Variants in FGD4 observed in about 807,000 individuals in gnomAD.
FGD4 encodes the protein FYVE, RhoGEF and PH domain-containing protein 4.
In FGD4, 42 loss-of-function variants were observed where a neutral mutation model predicts 102.0. That is an observed-to-expected ratio of 0.41 (90% CI 0.32 to 0.53). The LOEUF is 0.53. FGD4 is among the 20% of genes least tolerant of loss of function. The pLI, the probability that FGD4 is intolerant of heterozygous loss-of-function variation, is 0.21. For missense variants in FGD4, 902 were observed against 1,078.2 expected (o/e 0.84, Z 2.29); for synonymous variants, 380 against 375.7 (o/e 1.01, Z -0.13).
intron 1 of FGD4, among the ~76,000 whole-genome samples, chr12:32,526,837 A>G (rs1436946505): frequency 6.6e-6 from 1 of 152,076 alleles, no homozygotes; most frequent in Admixed American, 6.6e-5. Context: ...AAGCTGTAAC[A>G]CTCACCGCAA....
chr12:32,469,762 C>A (rs1003932893), intron 1 of FGD4, among the ~76,000 whole-genome samples: 3 of 151,888 alleles, frequency 2.0e-5, no homozygotes, highest in African/African-American at 7.3e-5. Context: ...CAGGTTCAAG[C>A]AATTCTCCTG....
intron 7 of FGD4, among the ~76,000 whole-genome samples, chr12:32,605,139 A>C (rs903984475): frequency 4.0e-5 from 6 of 151,392 alleles, no homozygotes; most frequent in African/African-American, 1.2e-4. Context: ...GGGTTTCGCC[A>C]TGTTGGCCAG....
At chr12:32,480,953 A>G (rs561388822) in intron 1 of FGD4, among the ~76,000 whole-genome samples, 2 of 151,594 alleles carry the variant, frequency 1.3e-5, no homozygotes, top group Non-Finnish European at 2.9e-5. Context: ...ATAGGTGTGC[A>G]TGGCCACACC....
intron 1 of FGD4, among the ~76,000 whole-genome samples, chr12:32,420,816 G>C (rs1294351770): frequency 1.3e-5 from 2 of 152,100 alleles, no homozygotes; most frequent in African/African-American, 4.8e-5. Flanking sequence ...CCATTCAGGG[G>C]CTCAATAGAT....
intron 1 of FGD4, among the ~76,000 whole-genome samples, chr12:32,420,570 C>T (rs1197948473): frequency 6.6e-6 from 1 of 152,204 alleles, no homozygotes; most frequent in Non-Finnish European, 1.5e-5. Context: ...TCCCACATTA[C>T]TGATTCCCTG....
intron 1 of FGD4, among the ~76,000 whole-genome samples, chr12:32,460,781 C>T (rs866812825): frequency 1.6e-4 from 25 of 152,294 alleles, no homozygotes; most frequent in African/African-American, 6.0e-4. Flanking sequence ...TAACAATAAT[C>T]TTCTGAAATA....
chr12:32,446,493 TC>T (rs1275169770), intron 1 of FGD4, among the ~76,000 whole-genome samples: 1 of 152,158 alleles, frequency 6.6e-6, no homozygotes, highest in Non-Finnish European at 1.5e-5. Flanking sequence ...CAGATTCTTT[TC>T]TGTGTCCCTG....
chr12:32,480,191 C>T (rs1306758234), intron 1 of FGD4, among the ~76,000 whole-genome samples: 6 of 148,972 alleles, frequency 4.0e-5, no homozygotes, highest in South Asian at 2.2e-4. Flanking sequence ...GACTGAGTCT[C>T]GCTCTGTCAC....
At chr12:32,570,240 CAAA>C (rs150913094) in intron 2 of FGD4, among the ~76,000 whole-genome samples, 29 of 67,630 alleles carry the variant, frequency 4.3e-4, no homozygotes, top group Non-Finnish European at 5.5e-4. Flanking sequence ...GACGCTGTCT[CAAA>C]AAAAAAAAAA....
chr12:32,516,101 C>A (rs1264538728), intron 1 of FGD4, among the ~76,000 whole-genome samples: 1 of 152,004 alleles, frequency 6.6e-6, no homozygotes, highest in African/African-American at 2.4e-5. Context: ...AAAATAACAA[C>A]AACAATTGGG....
intron 2 of FGD4, among the ~76,000 whole-genome samples, chr12:32,573,807 C>T (rs1162933846): frequency 2.0e-5 from 3 of 152,304 alleles, no homozygotes; most frequent in Non-Finnish European, 1.5e-5. Flanking sequence ...TAAAGTGCCT[C>T]TCCACTAGTA....
rs753760742 is a variant in FGD4 at position 32,608,076 on chromosome 12, G to A, written c.1524G>A (p.Leu508=). 3.1e-6 allele frequency: 5 copies of A among 1,613,998 alleles called. No individual in the cohort carries two copies. In the Admixed American group the frequency reaches 5.0e-5, roughly 16 times the overall value. Residue 508 remains leucine, a synonymous_variant, in exon 8 of 17, where the codon CTG becomes CTA. Coordinates refer to ENST00000534526, the MANE Select transcript of FGD4 (RefSeq NM_001370298.3). ...DYLRKLPPDS[L]DWNDAKKSLE... is the part of the protein sequence containing the mutation. ...TAAGGAAATTGCCTCCTGATTCCCT[G>A]GACTGGAATGATGCTAAAAGTAAAT...
intron 4 of FGD4, among the ~76,000 whole-genome samples, chr12:32,587,531 C>T (rs1192999461): frequency 6.6e-6 from 1 of 152,002 alleles, no homozygotes; most frequent in Non-Finnish European, 1.5e-5. Context: ...CCTGGGACTA[C>T]AGGCATGCAC....
Position 32,506,153 on chromosome 12 carries a change from T to TGTTAAGACAACACTGTAAAGACA in FGD4, c.167-57984_167-57983insGTTAAGACAACACTGTAAAGACA, listed in dbSNP as rs1227635856. 6.6e-6 allele frequency among the ~76,000 whole-genome samples: 1 copy of TGTTAAGACAACACTGTAAAGACA among 152,198 alleles called. No individual in the cohort carries two copies. Among genetic ancestry groups the TGTTAAGACAACACTGTAAAGACA allele is most frequent in the Non-Finnish European group, 1.5e-5 (1 of 68,030 alleles). The stretch of plus-strand genomic sequence containing the variant: ...GTAGGGCAAGATCAGCTTAACATCC[T>TGTTAAGACAACACTGTAAAGACA]ACACTGTTGTCTTTAAGAGGAGCAC... On this transcript the variant is annotated intron_variant, in intron 1 of 16. Coordinates refer to ENST00000534526, the MANE Select transcript of FGD4 (RefSeq NM_001370298.3). The surrounding 1 kb of genome is among the most constrained non-coding windows in gnomAD (Gnocchi z 4.5).
chr12:32,593,950 C>T (rs1003139098), intron 4 of FGD4, among the ~76,000 whole-genome samples: 27 of 152,118 alleles, frequency 1.8e-4, no homozygotes, highest in African/African-American at 5.3e-4. Flanking sequence ...AAGGCACATG[C>T]ATTTACATGA....
At chr12:32,625,847 G>T in intron 14 of FGD4, 68 bp downstream of exon 14, 1 of 1,595,674 alleles carries the variant, frequency 6.3e-7, no homozygotes, top group Non-Finnish European at 8.6e-7. Context: ...CATCAACTAG[G>T]GACACACAAA....
chr12:32,628,458 G>A (rs1240069407), intron 14 of FGD4, among the ~76,000 whole-genome samples: 1 of 152,118 alleles, frequency 6.6e-6, no homozygotes, highest in Admixed American at 6.6e-5. Flanking sequence ...GGTCCCAGTG[G>A]AAGGGCATGG....
intron 11 of FGD4, 137 bp downstream of exon 11, chr12:32,620,007 C>T: frequency 9.8e-7 from 1 of 1,021,474 alleles, no homozygotes; most frequent in Non-Finnish European, 1.5e-6. Flanking sequence ...AAATGCAGAG[C>T]TGTAGGTTCT....
At chr12:32,492,755 G>A (rs546951048) in intron 1 of FGD4, among the ~76,000 whole-genome samples, 18 of 152,258 alleles carry the variant, frequency 1.2e-4, no homozygotes, top group Non-Finnish European at 2.1e-4. Context: ...AATAAGCTAC[G>A]TTGGTTATAT....
Sources: gnomAD v4.1 joint callset for allele counts (sites outside exome capture counted in the v4.1 genomes callset) on GRCh38, gnomAD v4.1.1 for gene constraint, Gnocchi (gnomAD v3.1) non-coding constraint, MANE v1.5 for transcripts, NCBI Gene and HGNC (gene_info 2026-07-23, HGNC 2026-07-21) for gene names.